Variants in NIN observed in about 807,000 individuals in gnomAD.
NIN encodes the protein glycogen synthase kinase 3 beta-interacting protein.
In NIN, 137 loss-of-function variants were observed where a neutral mutation model predicts 257.6. The ratio of observed to expected loss-of-function variants is 0.53; its 90% confidence interval spans 0.46 to 0.61. The LOEUF (loss-of-function observed/expected upper bound fraction) is 0.61. Ranked by LOEUF, NIN falls within the 20% of genes least tolerant of loss-of-function variation. The pLI is 0.00. For synonymous variants in NIN, 918 were observed against 919.8 expected, an observed-to-expected ratio of 1.00 and a Z score of 0.04; for missense variants, 2,439 against 2,501.2, an observed-to-expected ratio of 0.98 and a Z score of 0.53.
chr14:50,772,339 G>T lies in NIN; in HGVS notation c.943C>A (p.Gln315Lys), dbSNP rs1474797277. ...ASVERILDTW[Q>K]EEGIENSQEI... ...TGGCTGTTCTCAATGCCCTCTTCCT[G>T]CCAGGTGTCCAGTATTCTCTCCACA... The change falls in exon 9 of 31, where the codon CAG (glutamine) becomes AAG (lysine). Residue 315 changes from glutamine (Q) to lysine (K), a missense_variant. Physicochemically the swap from Gln to Lys is moderately conservative, Grantham distance 53 (BLOSUM62 1). Transcript: ENST00000530997. 2 of 1,612,790 alleles carry T rather than the reference G, an allele frequency of 1.2e-6. No homozygotes were observed. The highest frequency in any genetic ancestry group is 2.7e-5 in the African/African-American group (2 of 74,902).
At chr14:50,730,949 C>T (rs761150472) in intron 28 of NIN, 5 of 1,347,874 alleles carry the variant, frequency 3.7e-6, no homozygotes, top group Middle Eastern at 2.1e-4. Flanking sequence ...AGGCAGAGAA[C>T]TGCACCCTTC....
At position 50,729,720 on chromosome 14, in the gene NIN, G is replaced by T; in HGVS notation, c.5881C>A (p.Gln1961Lys). 1 of 1,596,270 alleles carries T rather than the reference G, an allele frequency of 6.3e-7. No homozygotes were observed. The highest frequency in any genetic ancestry group is 8.5e-7 in the Non-Finnish European group (1 of 1,170,814). Residue 1961 changes from glutamine (Q) to lysine (K), a missense_variant, in exon 29 of 31, where the codon CAG becomes AAG. Coordinates refer to ENST00000530997, the MANE Select transcript of NIN (RefSeq NM_020921.4). ...VKLDEQLMEMQHLRSTATPSP... is the reference protein window; with the variant it reads ...VKLDEQLMEMKHLRSTATPSP... ...GGCGTCGCAGTGGACCTCAGGTGCT[G>T]CATCTGAAGGACAAGGGCAAAGCCC...
At chr14:50,821,454 C>T (rs2045217099) in intron 3 of NIN, among the ~76,000 whole-genome samples, 1 of 152,120 alleles carries the variant, frequency 6.6e-6, no homozygotes, top group South Asian at 2.1e-4. Context: ...AATACTTCAC[C>T]CAGAAATAAT....
chr14:50,721,537 G>A lies in NIN; in HGVS notation c.*1926C>T, dbSNP rs761805671. The A allele has an allele frequency of 9.2e-5, 20 of 217,912 alleles. No individual in the cohort carries two copies. The highest frequency in any genetic ancestry group is 1.7e-4 in the Non-Finnish European group (18 of 108,242). The allele number at this position is 217,912 out of a possible 1,614,324, so 13.5% of individuals were successfully genotyped here. On this transcript the variant is annotated 3_prime_UTR_variant, in exon 31 of 31. Coordinates refer to ENST00000530997, the MANE Select transcript of NIN (RefSeq NM_020921.4). The stretch of plus-strand genomic sequence containing the variant: ...TAGTTTATTTTTGTCCTTAGCCTAG[G>A]CCAATCCACAGTTTTAAGTGAAACA...
At chr14:50,745,042 GA>G (rs2041474462) in intron 22 of NIN, among the ~76,000 whole-genome samples, 1 of 152,188 alleles carries the variant, frequency 6.6e-6, no homozygotes, top group South Asian at 2.1e-4. Context: ...CTTCCTTTCA[GA>G]AGGTGCCTAC....
chr14:50,731,296 G>A (rs866903459), intron 28 of NIN, among the ~76,000 whole-genome samples: 62 of 152,048 alleles, frequency 4.1e-4, no homozygotes, highest in Non-Finnish European at 8.1e-4. Flanking sequence ...TTGGGAGGCC[G>A]AGGTGGGCGG....
intron 1 of NIN, chr14:50,830,756 CG>C (rs1214161923): frequency 6.6e-6 from 1 of 151,906 alleles, no homozygotes; most frequent in East Asian, 1.9e-4. Flanking sequence ...CCCGCGCCTC[CG>C]GGACCGGCCC....
At chr14:50,762,538 A>T (rs1476408001) in intron 15 of NIN, among the ~76,000 whole-genome samples, 2 of 152,202 alleles carry the variant, frequency 1.3e-5, no homozygotes, top group Admixed American at 6.5e-5. Context: ...GCATATTATC[A>T]GCTAAAATTT....
intron 15 of NIN, 40 bp from the exon 16 acceptor site, chr14:50,761,951 T>C: frequency 6.2e-7 from 1 of 1,611,880 alleles, no homozygotes; most frequent in South Asian, 1.1e-5. Flanking sequence ...CAGCAGGTTC[T>C]TTCAATAACA....
chr14:50,750,766 TTCTGGGGG>T (rs1383052941), intron 21 of NIN, among the ~76,000 whole-genome samples: 1 of 152,216 alleles, frequency 6.6e-6, no homozygotes, highest in Non-Finnish European at 1.5e-5. Context: ...TGTGCACTTA[TTCTGGGGG>T]TAAGTGAAGA....
intron 4 of NIN, among the ~76,000 whole-genome samples, chr14:50,795,079 A>G (rs1164563573): frequency 6.6e-6 from 1 of 152,250 alleles, no homozygotes; most frequent in African/African-American, 2.4e-5. Context: ...CTTTAAGTTA[A>G]TATCCTTCAT....
chr14:50,762,652 G>A (rs1297874280), intron 15 of NIN, among the ~76,000 whole-genome samples: 1 of 152,198 alleles, frequency 6.6e-6, no homozygotes, highest in East Asian at 1.9e-4. Flanking sequence ...GACGATGACT[G>A]AGAATGACAC....
chr14:50,757,668 TC>T lies in NIN; in HGVS notation c.3361del (p.Glu1121AsnfsTer15). 1 of 1,614,180 alleles carries T rather than the reference TC, an allele frequency of 6.2e-7. No homozygotes were observed. The highest frequency in any genetic ancestry group is 1.7e-5 in the Admixed American group (1 of 60,020). On this transcript the variant is annotated frameshift_variant, in exon 18 of 31. Coordinates refer to ENST00000530997, the MANE Select transcript of NIN (RefSeq NM_020921.4). LOFTEE classifies it high-confidence loss of function. ...PATEFFGNTAEQTEQFLQQNR... is the reference protein window; with the variant it reads ...PATEFFGNTAXQTEQFLQQNR... The stretch of plus-strand genomic sequence containing the variant: ...TTGCTGTAAAAACTGCTCTGTTTGT[TC>T]CGCAGTATTTCCAAAAAACTCAGTA...
At chr14:50,727,680 G>A (rs768191234) in intron 29 of NIN, 7 of 1,441,298 alleles carry the variant, frequency 4.9e-6, no homozygotes, top group Non-Finnish European at 5.6e-6. Flanking sequence ...ATCAATAGCA[G>A]CCCAGTTTTC....
At chr14:50,819,939 A>C (rs1376924768) in intron 3 of NIN, among the ~76,000 whole-genome samples, 4 of 152,232 alleles carry the variant, frequency 2.6e-5, no homozygotes, top group African/African-American at 9.6e-5. Context: ...GCTCCAGTGA[A>C]TCCTATGGCA....
At chr14:50,818,587 T>G (rs2045045648) in intron 3 of NIN, among the ~76,000 whole-genome samples, 2 of 152,182 alleles carry the variant, frequency 1.3e-5, no homozygotes, top group African/African-American at 2.4e-5. Context: ...AGAAGCCCCT[T>G]GTGATGAGGC....
chr14:50,732,719 G>T (rs928687176), intron 28 of NIN, among the ~76,000 whole-genome samples: 8 of 103,086 alleles, frequency 7.8e-5, no homozygotes, highest in South Asian at 2.9e-4. Context: ...GTTTTTGTTT[G>T]TTTTTTTGTT....
chr14:50,746,350 C>T (rs547965217), intron 22 of NIN, among the ~76,000 whole-genome samples: 1 of 152,310 alleles, frequency 6.6e-6, no homozygotes, highest in African/African-American at 2.4e-5. Flanking sequence ...GGACAGGCGA[C>T]TTCTCTAGTC....
rs1167755049 is a variant in NIN at position 50,770,438 on chromosome 14, C to T, written c.1384G>A (p.Ala462Thr). Residue 462 changes from alanine to threonine, a missense_variant, in exon 12 of 31, where the codon GCA (alanine) becomes ACA (threonine). Ala to Thr is a moderately conservative substitution (Grantham distance 58). This residue lies in a region of NIN where 2,043 missense variants were observed against 2,050.2 expected (regional missense o/e 1.00). Transcript: ENST00000530997. ...CGGATATAGTTCTCTTCTGTTTTTG[C>T]CTTTTCAATTTCCTGTTCAAGTTCT... ...RLELEQEIEK[A>T]KTEENYIRDR... 1.2e-6 allele frequency: 2 copies of T among 1,614,076 alleles called. No individual in the cohort carries two copies. Among genetic ancestry groups the T allele is most frequent in the Non-Finnish European group, 1.7e-6 (2 of 1,180,042 alleles).
Sources: gnomAD v4.1 joint callset for allele counts (sites outside exome capture counted in the v4.1 genomes callset) on GRCh38, gnomAD v4.1.1 for gene constraint, gnomAD v4.1.1 regional missense constraint, MANE v1.5 for transcripts, NCBI Gene and HGNC (gene_info 2026-07-23, HGNC 2026-07-21) for gene names.